Variants in ARSB observed in about 807,000 individuals in gnomAD.
ARSB encodes arylsulfatase B.
In ARSB, 41 loss-of-function variants were observed where a neutral mutation model predicts 50.9. That is an observed-to-expected ratio of 0.81 (90% CI 0.63 to 1.04). ARSB has a LOEUF of 1.04. ARSB is among the 50% of genes least tolerant of loss of function. ARSB has a pLI of 0.00. For missense variants in ARSB, 672 were observed against 693.3 expected, an observed-to-expected ratio of 0.97 and a Z score of 0.35; for synonymous variants, 269 against 284.8, an observed-to-expected ratio of 0.94 and a Z score of 0.56.
chr5:78,831,338 C>T (rs376511589), intron 6 of ARSB, among the ~76,000 whole-genome samples: 52 of 152,052 alleles, frequency 3.4e-4, no homozygotes, highest in African/African-American at 1.2e-3. Flanking sequence ...GCTCCCTCAT[C>T]CCCCCAGCAC....
rs199858121 is a variant in ARSB, at chr5:78,955,470, C to T, written c.723G>A (p.Val241=). 3.7e-6 allele frequency: 6 copies of T among 1,614,112 alleles called. No individual in the cohort carries two copies. The highest frequency in any genetic ancestry group is 1.7e-6 in the Non-Finnish European group (2 of 1,180,000). The change falls in exon 4 of 8, where the codon GTG becomes GTA. Residue 241 remains valine, a synonymous_variant. Coordinates refer to ENST00000264914, the MANE Select transcript of ARSB (RefSeq NM_000046.5). ...CCTCAGGGACCTGAAGGGGCTCATG[C>T]ACAGACTGGAGAGCAAGGTAGAGAA... ...PLFLYLALQS[V]HEPLQVPEEY... is the part of the protein sequence containing the mutation.
At chr5:78,836,260 G>A (rs1017941328) in intron 6 of ARSB, among the ~76,000 whole-genome samples, 2 of 152,224 alleles carry the variant, frequency 1.3e-5, no homozygotes, top group African/African-American at 4.8e-5. Context: ...GTGAGGAGGT[G>A]GGTGGCACCT....
chr5:78,807,916 AC>A (rs1188402480), intron 6 of ARSB, among the ~76,000 whole-genome samples: 58 of 150,336 alleles, frequency 3.9e-4, no homozygotes, highest in African/African-American at 1.3e-3. Flanking sequence ...AAACGGTGAA[AC>A]CCCGTCTCTA....
At chr5:78,845,575 C>T (rs1329042722) in intron 5 of ARSB, among the ~76,000 whole-genome samples, 1 of 152,084 alleles carries the variant, frequency 6.6e-6, no homozygotes, top group African/African-American at 2.4e-5. Flanking sequence ...GCCATTCTAA[C>T]CGGGTTGAGA....
intron 6 of ARSB, among the ~76,000 whole-genome samples, chr5:78,790,437 G>C (rs2112630638): frequency 6.6e-6 from 1 of 152,186 alleles, no homozygotes; most frequent in East Asian, 1.9e-4. Flanking sequence ...GCAATCTCAG[G>C]CAACTTTTTA....
intron 4 of ARSB, among the ~76,000 whole-genome samples, chr5:78,940,397 C>T (rs1264558705): frequency 6.6e-6 from 1 of 152,108 alleles, no homozygotes; most frequent in African/African-American, 2.4e-5. Flanking sequence ...TTTTTTTCTT[C>T]TAGGGTTCTT....
intron 4 of ARSB, among the ~76,000 whole-genome samples, chr5:78,919,876 T>C (rs1003062135): frequency 2.0e-5 from 3 of 152,304 alleles, no homozygotes; most frequent in South Asian, 4.1e-4. Context: ...TTTTGAGTGA[T>C]ACATACCTCT....
intron 6 of ARSB, among the ~76,000 whole-genome samples, chr5:78,838,729 G>T (rs1452785617): frequency 6.6e-6 from 1 of 152,232 alleles, no homozygotes; most frequent in East Asian, 1.9e-4. Flanking sequence ...CACTCGCATG[G>T]TATTTATACA....
chr5:78,916,780 TC>T (rs1393546887), intron 4 of ARSB, among the ~76,000 whole-genome samples: 10 of 152,212 alleles, frequency 6.6e-5, no homozygotes, highest in Non-Finnish European at 1.5e-4. Flanking sequence ...CTTGGGGGGA[TC>T]TTTTTGGCCT....
chr5:78,853,045 C>T (rs1745918369), intron 5 of ARSB, among the ~76,000 whole-genome samples: 1 of 152,226 alleles, frequency 6.6e-6, no homozygotes, highest in Admixed American at 6.5e-5. Flanking sequence ...CTGAAGCCTT[C>T]TTTTCTCAAC....
At chr5:78,846,429 T>A (rs1004556945) in intron 5 of ARSB, among the ~76,000 whole-genome samples, 15 of 152,176 alleles carry the variant, frequency 9.9e-5, no homozygotes, top group African/African-American at 2.7e-4. Context: ...TATTGGTATT[T>A]AGATAGGGAT....
In ARSB at chr5:78,818,598, C is replaced by CTTT. The variant is rs775162579; in HGVS notation, c.1213+20755_1213+20757dup. On this transcript the variant is annotated intron_variant, in intron 6 of 7. Coordinates refer to ENST00000264914, the MANE Select transcript of ARSB (RefSeq NM_000046.5). ...TGGAAAGAACCCATAAAATAAAGCT[C>CTTT]TTTTTTTTTTTTTTTTTTTTTTTTT... Among the ~76,000 whole-genome samples, 185 of 74,176 alleles carry CTTT rather than the reference C, an allele frequency of 2.5e-3. 20 individuals are homozygous for CTTT. The highest frequency in any genetic ancestry group is 9.2e-3 in the African/African-American group (168 of 18,232). The allele number at this position is 74,176 out of a possible 152,430, so 48.7% of individuals were successfully genotyped here.
chr5:78,853,130 G>A (rs558691441), intron 5 of ARSB, among the ~76,000 whole-genome samples: 3 of 152,190 alleles, frequency 2.0e-5, no homozygotes, highest in East Asian at 3.8e-4. Context: ...GAGGAGAGGC[G>A]CTCTGTTTTT....
rs144800194 is a variant in ARSB at position 78,780,482 on chromosome 5, T to C, written c.1517A>G (p.His506Arg). 1.4e-5 allele frequency: 23 copies of C among 1,614,036 alleles called. No homozygotes were observed. Among genetic ancestry groups the C allele is most frequent in the Middle Eastern group, 1.6e-4 (1 of 6,084 alleles). ...TKLLSRLQFY[H>R]KHSVPVYFPA... is the part of the protein sequence containing the mutation. ...GAAGTACACGGGGACTGAGTGTTTA[T>C]GGTAGAACTGTAGGCGGGACAGGAG... The change falls in exon 8 of 8, where the codon CAT (histidine) becomes CGT (arginine). Residue 506 changes from histidine (H) to arginine (R), a missense_variant. By Grantham distance (29) the His-to-Arg change is conservative (BLOSUM62 0). Coordinates refer to ENST00000264914, the MANE Select transcript of ARSB (RefSeq NM_000046.5).
At chr5:78,914,367 A>G (rs1388859429) in intron 4 of ARSB, among the ~76,000 whole-genome samples, 1 of 152,226 alleles carries the variant, frequency 6.6e-6, no homozygotes, top group African/African-American at 2.4e-5. Flanking sequence ...TAAATCTAAA[A>G]TCATGTGGTT....
chr5:78,879,593 AC>A, intron 5 of ARSB, among the ~76,000 whole-genome samples: 1 of 152,370 alleles, frequency 6.6e-6, no homozygotes, highest in East Asian at 1.9e-4. Context: ...ATTTTCAAAA[AC>A]TACCATCATC....
At chr5:78,858,750 C>T (rs546361668) in intron 5 of ARSB, among the ~76,000 whole-genome samples, 1 of 152,172 alleles carries the variant, frequency 6.6e-6, no homozygotes, top group East Asian at 1.9e-4. Flanking sequence ...AACACATCCA[C>T]AGGGTAATGT....
At chr5:78,815,189 A>T (rs1743944402) in intron 6 of ARSB, among the ~76,000 whole-genome samples, 1 of 150,848 alleles carries the variant, frequency 6.6e-6, no homozygotes. Context: ...TTCTAGTCGC[A>T]TGGTTGCTGA....
At chr5:78,873,980 C>A (rs1471215960) in intron 5 of ARSB, among the ~76,000 whole-genome samples, 1 of 151,996 alleles carries the variant, frequency 6.6e-6, no homozygotes, top group Non-Finnish European at 1.5e-5. Flanking sequence ...GGTGCCCAGA[C>A]AAAAAACACA....
Sources: gnomAD v4.1 joint callset for allele counts (sites outside exome capture counted in the v4.1 genomes callset) on GRCh38, gnomAD v4.1.1 for gene constraint, MANE v1.5 for transcripts, NCBI Gene and HGNC (gene_info 2026-07-23, HGNC 2026-07-21) for gene names.